KCNH1: variants seen among roughly 807,000 people sequenced by gnomAD.
The protein encoded by KCNH1 is potassium voltage-gated channel subfamily H member 1, also known as voltage-gated delayed rectifier potassium channel KCNH1.
In KCNH1, 27 loss-of-function variants were observed where a neutral mutation model predicts 69.2. That is an observed-to-expected ratio of 0.39 (90% CI 0.29 to 0.54). The LOEUF (loss-of-function observed/expected upper bound fraction) is 0.54, where lower values mean the gene tolerates loss of function less well. Among genes scored for constraint, KCNH1 ranks in the 20% least tolerant of loss-of-function variants. The probability of loss-of-function intolerance (pLI) is 0.68; values close to 1 mark genes in which losing one functional copy is unlikely to be tolerated. For missense variants in KCNH1, 798 were observed against 1,261.6 expected, an observed-to-expected ratio of 0.63 and a Z score of 5.57; for synonymous variants, 456 against 487.7, an observed-to-expected ratio of 0.93 and a Z score of 0.86.
intron 4 of KCNH1, among the ~76,000 whole-genome samples, chr1:211,088,364 A>G (rs771600175): frequency 2.6e-5 from 4 of 152,248 alleles, no homozygotes; most frequent in Non-Finnish European, 4.4e-5. Context: ...AGAAATGTCA[A>G]GCCAGGAGAA....
chr1:210,864,627 C>T (rs1686064918), intron 7 of KCNH1, among the ~76,000 whole-genome samples: 1 of 152,198 alleles, frequency 6.6e-6, no homozygotes, highest in Non-Finnish European at 1.5e-5. Context: ...ACTTGGACAA[C>T]AACAATCAAG....
At chr1:211,035,405 C>T (rs945760240) in intron 5 of KCNH1, among the ~76,000 whole-genome samples, 3 of 150,634 alleles carry the variant, frequency 2.0e-5, no homozygotes, top group East Asian at 1.9e-4. Context: ...CCCGCCACTA[C>T]GCCCGGCTAA....
At chr1:210,803,874 G>T in intron 8 of KCNH1, 93 bp downstream of exon 8, 3 of 1,103,986 alleles carry the variant, frequency 2.7e-6, no homozygotes, top group Non-Finnish European at 4.0e-6. Flanking sequence ...TCTGAGCACA[G>T]CCAGGTTTGA....
At chr1:210,914,600 A>C (rs12568302) in intron 7 of KCNH1, among the ~76,000 whole-genome samples, 8,781 of 152,108 alleles carry the variant, frequency 0.058, 396 homozygotes, top group East Asian at 0.26. Context: ...AGGCAATAGA[A>C]GGAAACACTA....
At chr1:210,783,269 C>T (rs1199161281) in intron 9 of KCNH1, among the ~76,000 whole-genome samples, 1 of 152,192 alleles carries the variant, frequency 6.6e-6, no homozygotes, top group Non-Finnish European at 1.5e-5. Flanking sequence ...CTCCCTCAAG[C>T]AGCCCTCCTC....
At chr1:210,854,588 G>A (rs957583903) in intron 7 of KCNH1, among the ~76,000 whole-genome samples, 3 of 152,196 alleles carry the variant, frequency 2.0e-5, no homozygotes, top group Admixed American at 2.0e-4. Context: ...GCAAGTGGTA[G>A]CTGTCCACAA....
chr1:210,957,415 A>C (rs1688200089), intron 6 of KCNH1, among the ~76,000 whole-genome samples: 1 of 152,194 alleles, frequency 6.6e-6, no homozygotes, highest in African/African-American at 2.4e-5. Context: ...AGAGTTCTGT[A>C]GATGTCTATT....
At chr1:210,937,128 T>C (rs893033824) in intron 6 of KCNH1, among the ~76,000 whole-genome samples, 15 of 152,176 alleles carry the variant, frequency 9.9e-5, no homozygotes, top group African/African-American at 3.1e-4. Flanking sequence ...CCTAAAACTA[T>C]AATCAACACA....
At chr1:210,967,940 A>C (rs1287724823) in intron 6 of KCNH1, among the ~76,000 whole-genome samples, 1 of 151,898 alleles carries the variant, frequency 6.6e-6, no homozygotes. Flanking sequence ...ATATGTATAC[A>C]TGTGCCATGC....
At chr1:210,846,489 C>T (rs1490843101) in intron 7 of KCNH1, among the ~76,000 whole-genome samples, 1 of 152,190 alleles carries the variant, frequency 6.6e-6, no homozygotes, top group Non-Finnish European at 1.5e-5. Flanking sequence ...AAAGGATTCC[C>T]TATTTAATAA....
intron 7 of KCNH1, among the ~76,000 whole-genome samples, chr1:210,847,238 C>A (rs1685577826): frequency 6.6e-6 from 1 of 152,076 alleles, no homozygotes; most frequent in African/African-American, 2.4e-5. Flanking sequence ...GGGCATATAC[C>A]CAAAGGACTA....
chr1:210,945,075 A>T lies in KCNH1; in HGVS notation c.1033-25006T>A, dbSNP rs544565270. Among the ~76,000 whole-genome samples, 10 of 152,308 alleles carry T rather than the reference A, an allele frequency of 6.6e-5. No homozygotes were observed. The South Asian group carries it at 2.1e-3, about 32-fold the overall frequency. On this transcript the variant is annotated intron_variant, in intron 6 of 10. Coordinates refer to ENST00000271751, the MANE Select transcript of KCNH1 (RefSeq NM_172362.3). Reference sequence around the variant, plus strand: ...GTGTTTTCAGGCTCATCCAGGTTATAGCATGTGTCAGAATTTCATTACTTT... The same window carrying T: ...GTGTTTTCAGGCTCATCCAGGTTATTGCATGTGTCAGAATTTCATTACTTT...
chr1:211,054,295 A>C (rs1690264243), intron 5 of KCNH1, among the ~76,000 whole-genome samples: 1 of 152,106 alleles, frequency 6.6e-6, no homozygotes, highest in South Asian at 2.1e-4. Context: ...AAAGAAAAAA[A>C]AAATTAAAAT....
At chr1:211,002,128 T>G (rs1689194577) in intron 6 of KCNH1, among the ~76,000 whole-genome samples, 1 of 152,000 alleles carries the variant, frequency 6.6e-6, no homozygotes, top group Non-Finnish European at 1.5e-5. Context: ...AACCTGCACG[T>G]TGTGCACATG....
intron 6 of KCNH1, among the ~76,000 whole-genome samples, chr1:210,986,024 T>C (rs1350436612): frequency 1.3e-5 from 2 of 152,244 alleles, no homozygotes; most frequent in Admixed American, 6.5e-5. Context: ...ATTGATCCCT[T>C]TACCATTATG....
intron 6 of KCNH1, among the ~76,000 whole-genome samples, chr1:210,963,668 G>C (rs1217410951): frequency 2.0e-5 from 3 of 151,920 alleles, no homozygotes; most frequent in Non-Finnish European, 4.4e-5. Flanking sequence ...TAGCCGAATT[G>C]ATCAAGCGGA....
At chr1:211,059,008 C>G (rs1832430) in intron 5 of KCNH1, among the ~76,000 whole-genome samples, 58,438 of 152,030 alleles carry the variant, frequency 0.38, 11,565 homozygotes, top group South Asian at 0.46. Flanking sequence ...CAGCCAGGTG[C>G]GGTGGCTCAC....
At chr1:211,129,465 T>G (rs11576366) in intron 1 of KCNH1, among the ~76,000 whole-genome samples, 5,690 of 152,302 alleles carry the variant, frequency 0.037, 190 homozygotes, top group Non-Finnish European at 0.056. Flanking sequence ...TCATGGAATT[T>G]GGAAGCTTTA....
chr1:210,782,175 C>T (rs554670377), intron 9 of KCNH1, among the ~76,000 whole-genome samples: 4 of 152,272 alleles, frequency 2.6e-5, no homozygotes, highest in East Asian at 3.9e-4. Flanking sequence ...GCACTGTCTC[C>T]GGTACGTGGC....
Sources: gnomAD v4.1 joint callset for allele counts (sites outside exome capture counted in the v4.1 genomes callset) on GRCh38, gnomAD v4.1.1 for gene constraint, MANE v1.5 for transcripts, NCBI Gene and HGNC (gene_info 2026-07-23, HGNC 2026-07-21) for gene names.